Variants in GABRB1 observed in about 807,000 individuals in gnomAD.
GABRB1 encodes the protein gamma-aminobutyric acid receptor subunit beta-1.
A neutral mutation model predicts 51.6 loss-of-function variants in GABRB1; 17 were observed. That is an observed-to-expected ratio of 0.33 (90% confidence interval 0.23 to 0.49). The LOEUF is 0.49. Among genes scored for constraint, GABRB1 ranks in the 20% least tolerant of loss-of-function variants. The pLI is 0.99. For missense variants in GABRB1, 410 were observed against 600.6 expected (o/e 0.68, Z 3.32); for synonymous variants, 247 against 218.9 (o/e 1.13, Z -1.14).
chr4:47,298,675 A>G (rs1160135822), intron 4 of GABRB1, among the ~76,000 whole-genome samples: 1 of 152,242 alleles, frequency 6.6e-6, no homozygotes, highest in Non-Finnish European at 1.5e-5. Context: ...AAGGTAATTT[A>G]TAGGTTCAAT....
chr4:47,340,515 C>T (rs1268935935), intron 5 of GABRB1, among the ~76,000 whole-genome samples: 1 of 152,134 alleles, frequency 6.6e-6, no homozygotes, highest in Non-Finnish European at 1.5e-5. Flanking sequence ...GTAGATTCAG[C>T]TCCTGGTGAG....
rs184015611 is a variant in GABRB1, at chr4:47,276,832, T to C, written c.462-43295T>C. 1.4e-3 allele frequency among the ~76,000 whole-genome samples: 207 copies of C among 152,224 alleles called. 1 individual carries two copies. Among genetic ancestry groups the C allele is most frequent in the Middle Eastern group, 6.8e-3 (2 of 294 alleles). On this transcript the variant is annotated intron_variant, in intron 4 of 8. Coordinates refer to ENST00000295454, the MANE Select transcript of GABRB1 (RefSeq NM_000812.4). ...TTAACCTCTACCCACTCGAAGCCAG[T>C]AGCGTACCACCCTAGTCATGACAAT...
In GABRB1 at chr4:47,122,288, G is replaced by A. The variant is rs142765595; in HGVS notation, c.241-38961G>A. ...AATCTCAATTTGCTGAATTTGTTCT[G>A]GGTGAAATAATTTTCAGACTGTTTA... is the stretch of plus-strand genomic sequence containing the variant. On this transcript the variant is annotated intron_variant, in intron 3 of 8. Transcript: ENST00000295454. Among the ~76,000 whole-genome samples, 491 of 152,158 alleles carry A rather than the reference G, an allele frequency of 3.2e-3. 3 individuals carry two copies. Among genetic ancestry groups the A allele is most frequent in the African/African-American group, 0.011 (474 of 41,510 alleles).
intron 3 of GABRB1, among the ~76,000 whole-genome samples, chr4:47,159,368 G>T (rs1418864242): frequency 6.6e-6 from 1 of 152,086 alleles, no homozygotes. Flanking sequence ...ACATGTGGTA[G>T]AGCTTAAAAT....
chr4:47,307,976 C>T (rs1006466445), intron 4 of GABRB1, among the ~76,000 whole-genome samples: 1 of 151,936 alleles, frequency 6.6e-6, no homozygotes, highest in African/African-American at 2.4e-5. Flanking sequence ...TAATTTAGCA[C>T]AATCCTTGAA....
intron 4 of GABRB1, among the ~76,000 whole-genome samples, chr4:47,238,159 A>G (rs962741486): frequency 5.9e-5 from 9 of 152,044 alleles, no homozygotes; most frequent in African/African-American, 2.2e-4. Flanking sequence ...GAACATGTAA[A>G]GAAACTTTTT....
At chr4:47,118,002 A>T (rs578103244) in intron 3 of GABRB1, among the ~76,000 whole-genome samples, 2 of 152,320 alleles carry the variant, frequency 1.3e-5, no homozygotes, top group African/African-American at 4.8e-5. Flanking sequence ...CCACTTCTGT[A>T]TATTCAGCAC....
chr4:47,397,390 T>C (rs1422848927), intron 5 of GABRB1, among the ~76,000 whole-genome samples: 2 of 152,200 alleles, frequency 1.3e-5, no homozygotes, highest in Non-Finnish European at 2.9e-5. Flanking sequence ...CCCCAATAAT[T>C]TGAGGCACCA....
chr4:47,140,418 T>C (rs553147991), intron 3 of GABRB1, among the ~76,000 whole-genome samples: 2 of 152,038 alleles, frequency 1.3e-5, no homozygotes, highest in African/African-American at 4.8e-5. Context: ...GAAAAGAATA[T>C]GAATGGCATC....
intron 4 of GABRB1, among the ~76,000 whole-genome samples, chr4:47,193,400 G>T (rs1048430396): frequency 6.6e-6 from 1 of 152,178 alleles, no homozygotes; most frequent in African/African-American, 2.4e-5. Context: ...AATTACAGGC[G>T]TGAGCCACTG....
intron 5 of GABRB1, 137 bp downstream of exon 5, chr4:47,320,346 T>C: frequency 1.5e-6 from 1 of 676,940 alleles, no homozygotes; most frequent in Non-Finnish European, 2.7e-6. Flanking sequence ...TTTATATTGG[T>C]AGCTCAAGGG....
chr4:47,367,943 G>T (rs1560354339), intron 5 of GABRB1, among the ~76,000 whole-genome samples: 1 of 152,158 alleles, frequency 6.6e-6, no homozygotes, highest in Non-Finnish European at 1.5e-5. Flanking sequence ...ATGAAACAAA[G>T]GAAAAGGAAG....
chr4:47,356,814 A>T lies in GABRB1; in HGVS notation c.544+36605A>T, dbSNP rs1726596625. 2.0e-5 allele frequency among the ~76,000 whole-genome samples: 3 copies of T among 152,258 alleles called. No individual in the cohort carries two copies. In the South Asian group the frequency reaches 6.2e-4, roughly 32 times the overall value. On this transcript the variant is annotated intron_variant, in intron 5 of 8. Coordinates refer to ENST00000295454, the MANE Select transcript of GABRB1 (RefSeq NM_000812.4). Reference sequence around the variant, plus strand: ...TTGCTCTGTGTATAAAAATCTGATAAAATCAGATTTTAAAAATATTATTTG... The same window carrying T: ...TTGCTCTGTGTATAAAAATCTGATATAATCAGATTTTAAAAATATTATTTG...
intron 3 of GABRB1, among the ~76,000 whole-genome samples, chr4:47,125,293 C>T (rs1716065373): frequency 1.3e-5 from 2 of 151,936 alleles, no homozygotes. Flanking sequence ...CACCATTAGC[C>T]CTGCCTTACA....
chr4:47,370,474 G>A (rs1328930091), intron 5 of GABRB1, among the ~76,000 whole-genome samples: 12 of 139,594 alleles, frequency 8.6e-5, no homozygotes, highest in African/African-American at 2.5e-4. Context: ...GCGACAGGAC[G>A]AGACTCCATC....
intron 8 of GABRB1, among the ~76,000 whole-genome samples, chr4:47,414,276 G>A (rs977775773): frequency 5.9e-5 from 9 of 152,178 alleles, no homozygotes. Context: ...GTCGACATGT[G>A]CCCAAGGTGG....
chr4:47,262,936 T>C lies in GABRB1; in HGVS notation c.462-57191T>C, dbSNP rs1203534133. On this transcript the variant is annotated intron_variant, in intron 4 of 8. Transcript: ENST00000295454. ...GAAACCATCATTCTCAGCAAACTAT[T>C]GCAAGGACAAAAAACCAAACACCGC... is the stretch of plus-strand genomic sequence containing the variant. Among the ~76,000 whole-genome samples, 6 of 149,970 alleles carry C rather than the reference T, an allele frequency of 4.0e-5. No individual in the cohort carries two copies. The East Asian group carries it at 1.2e-3, about 30-fold the overall frequency.
chr4:47,034,675 T>C (rs1725474068), intron 3 of GABRB1, among the ~76,000 whole-genome samples: 1 of 152,192 alleles, frequency 6.6e-6, no homozygotes, highest in African/African-American at 2.4e-5. Context: ...GTTTATTTTA[T>C]CTTCTGTCAT....
chr4:47,127,956 C>CA (rs955928939), intron 3 of GABRB1, among the ~76,000 whole-genome samples: 5 of 150,908 alleles, frequency 3.3e-5, no homozygotes, highest in South Asian at 2.1e-4. Flanking sequence ...GAAAAATAAA[C>CA]AAAAAAAGAG....
Sources: allele counts gnomAD v4.1 joint callset (sites outside exome capture counted in the v4.1 genomes callset), GRCh38; gene constraint gnomAD v4.1.1; transcripts MANE v1.5; gene names NCBI Gene and HGNC (gene_info 2026-07-23, HGNC 2026-07-21).